The following INVS variants were observed in gnomAD, a reference collection of about 807,000 sequenced individuals.
INVS encodes the protein inversion of embryo turning homolog.
A neutral mutation model predicts 108.8 loss-of-function variants in INVS; 86 were observed. That is an observed-to-expected ratio of 0.79 (90% CI 0.66 to 0.95). INVS has a LOEUF of 0.95. Ranked by LOEUF, INVS falls within the 40% of genes least tolerant of loss-of-function variation. The probability of loss-of-function intolerance (pLI) is 0.00; values close to 1 mark genes in which losing one functional copy is unlikely to be tolerated. For missense variants in INVS, 1,169 were observed against 1,297.4 expected, an observed-to-expected ratio of 0.90 and a Z score of 1.52; for synonymous variants, 455 against 473.5, an observed-to-expected ratio of 0.96 and a Z score of 0.51.
At chr9:100,217,512 T>C (rs1831026728) in intron 3 of INVS, among the ~76,000 whole-genome samples, 1 of 152,154 alleles carries the variant, frequency 6.6e-6, no homozygotes, top group Non-Finnish European at 1.5e-5. Context: ...GGAGTACTTA[T>C]CTGTTTGCAT....
At chr9:100,117,732 G>T (rs1033485413) in intron 2 of INVS, 8 of 573,786 alleles carry the variant, frequency 1.4e-5, no homozygotes, top group Non-Finnish European at 2.5e-5. Flanking sequence ...TTTATATATG[G>T]TGCTATTATG....
At chr9:100,185,466 T>A (rs1217248832) in intron 3 of INVS, among the ~76,000 whole-genome samples, 1 of 146,772 alleles carries the variant, frequency 6.8e-6, no homozygotes, top group Non-Finnish European at 1.5e-5. Flanking sequence ...TAAATAGAAT[T>A]TTTTTTTTGC....
chr9:100,243,359 T>A (rs1211476100), intron 7 of INVS, among the ~76,000 whole-genome samples: 2 of 152,170 alleles, frequency 1.3e-5, no homozygotes, highest in African/African-American at 4.8e-5. Context: ...TTGTAAAGAT[T>A]AGAGAAAATT....
At chr9:100,249,877 G>C (rs1474224005) in intron 8 of INVS, among the ~76,000 whole-genome samples, 1 of 152,016 alleles carries the variant, frequency 6.6e-6, no homozygotes, top group Non-Finnish European at 1.5e-5. Flanking sequence ...GGCCGTGGCA[G>C]GTGGATCACC....
intron 3 of INVS, among the ~76,000 whole-genome samples, chr9:100,161,858 C>T (rs558263914): frequency 1.2e-4 from 19 of 152,242 alleles, no homozygotes; most frequent in South Asian, 6.2e-4. Context: ...GCATACCCTA[C>T]AGATAGAGAA....
At chr9:100,274,927 C>G (rs954319421) in intron 12 of INVS, among the ~76,000 whole-genome samples, 1 of 152,154 alleles carries the variant, frequency 6.6e-6, no homozygotes, top group Non-Finnish European at 1.5e-5. Context: ...ACTAAATAAT[C>G]ATTAAAAGTA....
chr9:100,126,114 A>T (rs1179338002), intron 2 of INVS, among the ~76,000 whole-genome samples: 1 of 152,230 alleles, frequency 6.6e-6, no homozygotes, highest in Non-Finnish European at 1.5e-5. Flanking sequence ...GTATCTCAAA[A>T]TGTTAGTTCA....
rs1459323223 is a variant in INVS at position 100,273,016 on chromosome 9, TC to T, written c.1726del (p.Arg576GlufsTer8). 1 of 1,613,896 alleles carries T rather than the reference TC, an allele frequency of 6.2e-7. No individual in the cohort carries two copies. The highest frequency in any genetic ancestry group is 1.1e-5 in the South Asian group (1 of 91,066). Reference protein sequence around the residue: ...VYKGYKVRKAFRDRKNLLMKH... With the variant: ...VYKGYKVRKAXRDRKNLLMKH... ...AAAGGGTACAAGGTCAGAAAAGCCT[TC>T]CGAGACAGGAAAAATCTCCTCATGA... On this transcript the variant is annotated frameshift_variant, in exon 12 of 17. Coordinates refer to ENST00000262457, the MANE Select transcript of INVS (RefSeq NM_014425.5). LOFTEE classifies it high-confidence loss of function.
At chr9:100,129,580 G>A (rs891855604) in intron 3 of INVS, 59 of 518,840 alleles carry the variant, frequency 1.1e-4, no homozygotes, top group African/African-American at 1.0e-3. Flanking sequence ...TTCATAACTA[G>A]GCATCAATTC....
intron 12 of INVS, among the ~76,000 whole-genome samples, chr9:100,274,910 T>C (rs1833071025): frequency 6.6e-6 from 1 of 152,194 alleles, no homozygotes; most frequent in South Asian, 2.1e-4. Context: ...GGGGGAAGCA[T>C]AAGTGTACTA....
At chr9:100,258,223 G>T (rs1367371703) in intron 10 of INVS, among the ~76,000 whole-genome samples, 2 of 152,152 alleles carry the variant, frequency 1.3e-5, no homozygotes, top group African/African-American at 2.4e-5. Flanking sequence ...CATGCCTCAT[G>T]TAGTTCTTGT....
intron 3 of INVS, among the ~76,000 whole-genome samples, chr9:100,176,521 G>T (rs1389803457): frequency 6.6e-6 from 1 of 151,844 alleles, no homozygotes; most frequent in Non-Finnish European, 1.5e-5. Flanking sequence ...CTGCTGCCTG[G>T]GCTAGAGTGC....
intron 5 of INVS, among the ~76,000 whole-genome samples, chr9:100,238,635 T>C (rs1831767125): frequency 6.6e-6 from 1 of 152,212 alleles, no homozygotes; most frequent in Non-Finnish European, 1.5e-5. Context: ...TATTCTCATC[T>C]CCTTGTCTCT....
intron 3 of INVS, among the ~76,000 whole-genome samples, chr9:100,133,053 G>A (rs748616883): frequency 6.6e-5 from 10 of 152,016 alleles, no homozygotes; most frequent in African/African-American, 9.6e-5. Context: ...TGCAGTGAGC[G>A]GATATTGCAC....
chr9:100,136,791 G>A (rs1828238928), intron 3 of INVS, among the ~76,000 whole-genome samples: 1 of 152,200 alleles, frequency 6.6e-6, no homozygotes. Context: ...TGTAATCCCA[G>A]TGCTTTGGGA....
intron 3 of INVS, among the ~76,000 whole-genome samples, chr9:100,225,518 T>C (rs1588102628): frequency 6.6e-6 from 1 of 152,346 alleles, no homozygotes; most frequent in Non-Finnish European, 1.5e-5. Flanking sequence ...CATCTCTGCT[T>C]ATTTCGCATT....
At chr9:100,273,663 G>A (rs920642779) in intron 12 of INVS, among the ~76,000 whole-genome samples, 2 of 147,538 alleles carry the variant, frequency 1.4e-5, no homozygotes, top group African/African-American at 2.5e-5. Flanking sequence ...TTGGCCTCCC[G>A]AGTAGCTGGG....
At chr9:100,298,385 G>T (rs1290052840) in intron 16 of INVS, 2 of 921,482 alleles carry the variant, frequency 2.2e-6, no homozygotes, top group Non-Finnish European at 2.6e-6. Flanking sequence ...AAGATGGGAA[G>T]AACACCATGA....
rs1331904263 is a variant in INVS at position 100,129,601 on chromosome 9, G to A, written c.273+3052G>A. 8 of 569,324 alleles carry A rather than the reference G, an allele frequency of 1.4e-5. No homozygotes were observed. In the East Asian group the frequency reaches 2.3e-4, roughly 17 times the overall value. The allele number at this position is 569,324 out of a possible 1,614,324, so 35.3% of individuals were successfully genotyped here. A position where few individuals can be genotyped will look rare whatever the true frequency, so the allele number is the denominator to read the frequency against. On this transcript the variant is annotated intron_variant, in intron 3 of 16. Coordinates refer to ENST00000262457, the MANE Select transcript of INVS (RefSeq NM_014425.5). ...ACTAGGCATCAATTCTGGCCATAAT[G>A]GCTTATTTTAAACTAATTTGCCTGT...
Sources: gnomAD v4.1 joint callset for allele counts (sites outside exome capture counted in the v4.1 genomes callset) on GRCh38, gnomAD v4.1.1 for gene constraint, MANE v1.5 for transcripts, NCBI Gene and HGNC (gene_info 2026-07-23, HGNC 2026-07-21) for gene names.